The following SLC23A3 variants were observed in gnomAD, a reference collection of about 807,000 sequenced individuals.
SLC23A3 encodes solute carrier family 23 member 3, also known as E2-binding protein 3.
In SLC23A3, 41 loss-of-function variants were observed where a neutral mutation model predicts 64.7. That is an observed-to-expected ratio of 0.63 (90% CI 0.49 to 0.82). The LOEUF (loss-of-function observed/expected upper bound fraction) is 0.82, where lower values mean the gene tolerates loss of function less well. Among genes scored for constraint, SLC23A3 ranks in the 40% least tolerant of loss-of-function variants. The probability of loss-of-function intolerance (pLI) is 0.00; values close to 1 mark genes in which losing one functional copy is unlikely to be tolerated. For synonymous variants in SLC23A3, 281 were observed against 306.8 expected (o/e 0.92, Z 0.88); for missense variants, 647 against 733.4 (o/e 0.88, Z 1.36).
At chr2:219,168,369 T>C in intron 5 of SLC23A3, 51 bp from the exon 6 acceptor site, 1 of 1,517,194 alleles carries the variant, frequency 6.6e-7, no homozygotes, top group Non-Finnish European at 8.8e-7. Context: ...TCCTGAGGGA[T>C]GGGAAAGGAG....
intron 8 of SLC23A3, chr2:219,164,824 G>T: frequency 3.2e-6 from 1 of 314,348 alleles, no homozygotes; most frequent in Non-Finnish European, 5.8e-6. Context: ...CTCCCCACGT[G>T]CTAGGATTAC....
intron 10 of SLC23A3, 58 bp downstream of exon 10, chr2:219,163,330 G>A: frequency 6.4e-7 from 1 of 1,569,706 alleles, no homozygotes; most frequent in Non-Finnish European, 8.7e-7. Context: ...AGTCCGGGCA[G>A]CCTGAAGCCT....
rs1231020612 is a variant in SLC23A3 at position 219,168,276 on chromosome 2, G to A, written c.717C>T (p.Ser239=). ...TCCAGGGGCACACATGAAACTGGCA[G>A]GAGCCCAGGTGCTGAGAACAGACCA... The part of the protein sequence containing the change: ...LMVVCSQHLG[S]CQFHVCPWRR... Residue 239 remains serine (S), a synonymous_variant, in exon 6 of 12, where the codon TCC becomes TCT. Transcript: ENST00000409878. The A allele has an allele frequency of 1.2e-6, 2 of 1,613,358 alleles. No homozygotes were observed. Among genetic ancestry groups the A allele is most frequent in the African/African-American group, 1.3e-5 (1 of 74,876 alleles).
Position 219,161,802 on chromosome 2 carries a change from TACACAC to T in SLC23A3, c.*101_*106del. ...GGAACCTCTAGACAGTCCCATGTAA[TACACAC>T]ACACATATCCTCTGCCTACAAGAAA... On this transcript the variant is annotated 3_prime_UTR_variant, in exon 12 of 12. Coordinates refer to ENST00000409878, the MANE Select transcript of SLC23A3 (RefSeq NM_001144889.2). 7.9e-7 allele frequency: 1 copy of T among 1,271,258 alleles called. No individual in the cohort carries two copies. Among genetic ancestry groups the T allele is most frequent in the East Asian group, 2.3e-5 (1 of 42,746 alleles). The allele number at this position is 1,271,258 out of a possible 1,614,324, so 78.7% of individuals were successfully genotyped here.
In SLC23A3 at chr2:219,168,847, G is replaced by A; in HGVS notation, c.493-14C>T. The A allele has an allele frequency of 6.4e-7, 1 of 1,569,994 alleles. No homozygotes were observed. The highest frequency in any genetic ancestry group is 8.6e-7 in the Non-Finnish European group (1 of 1,158,316). ...TGCCCCGGACACCTGGTAGAAGAGA[G>A]GAGAGGATGGAGAGAAAACATTCTG... On this transcript the variant is annotated splice_polypyrimidine_tract_variant and intron_variant, in intron 4 of 11. Coordinates refer to ENST00000409878, the MANE Select transcript of SLC23A3 (RefSeq NM_001144889.2).
intron 7 of SLC23A3, among the ~76,000 whole-genome samples, chr2:219,166,574 G>A (rs899717688): frequency 6.6e-6 from 1 of 150,874 alleles, no homozygotes; most frequent in South Asian, 2.1e-4. Context: ...TCACTCTGTC[G>A]CCTGGGCTAG....
chr2:219,165,509 G>A, intron 7 of SLC23A3, 87 bp from the exon 8 acceptor site: 1 of 1,437,280 alleles, frequency 7.0e-7, no homozygotes. Flanking sequence ...AAGAATCCTA[G>A]ATGCCTCAAT....
chr2:219,168,108 T>C (rs1019831417), intron 6 of SLC23A3, 64 bp from the exon 7 acceptor site: 4 of 1,576,236 alleles, frequency 2.5e-6, no homozygotes, highest in East Asian at 2.2e-5. Context: ...CTTGCAGGGG[T>C]AGACAGAAGC....
chr2:219,165,441 C>A lies in SLC23A3; in HGVS notation c.914-19G>T, dbSNP rs1303404943. On this transcript the variant is annotated intron_variant, in intron 7 of 11. Coordinates refer to ENST00000409878, the MANE Select transcript of SLC23A3 (RefSeq NM_001144889.2). ...CACTCACCTGGGGAGGGAGAAGAAG[C>A]CACTTTGGGGCCAGACTCAAGTCAG... 11 of 1,538,896 alleles carry A rather than the reference C, an allele frequency of 7.1e-6. No homozygotes were observed. The highest frequency in any genetic ancestry group is 9.6e-6 in the Non-Finnish European group (11 of 1,143,172).
Position 219,168,218 on chromosome 2 carries a change from G to A in SLC23A3, c.775C>T (p.Leu259Phe), listed in dbSNP as rs866251404. The A allele has an allele frequency of 3.1e-6, 5 of 1,613,994 alleles. No homozygotes were observed. The highest frequency in any genetic ancestry group is 3.3e-5 in the Admixed American group (2 of 59,994). The change falls in exon 6 of 12, where the codon CTC (leucine) becomes TTC (phenylalanine). Residue 259 changes from leucine to phenylalanine, a missense_variant. By Grantham distance (22) the Leu-to-Phe change is conservative. Transcript: ENST00000409878. Reference protein sequence around the residue: ...RASTSSTHTPLPVFRLLSVLI... With the variant: ...RASTSSTHTPFPVFRLLSVLI... ...ACCGAAAGGAGCCGGAAGACAGGGA[G>A]AGGAGTGTGAGTTGATGACGTTGAA...
chr2:219,168,106 G>A (rs1410490824), intron 6 of SLC23A3, 62 bp from the exon 7 acceptor site: 2 of 1,576,814 alleles, frequency 1.3e-6, no homozygotes, highest in African/African-American at 1.4e-5. Context: ...GCCTTGCAGG[G>A]GTAGACAGAA....
intron 9 of SLC23A3, among the ~76,000 whole-genome samples, chr2:219,163,805 AT>A (rs1312464443): frequency 6.6e-6 from 1 of 151,508 alleles, no homozygotes; most frequent in Non-Finnish European, 1.5e-5. Context: ...GATTCAAGCG[AT>A]TTCTCCTGCC....
At chr2:219,167,534 T>C (rs1206123031) in intron 7 of SLC23A3, among the ~76,000 whole-genome samples, 2 of 148,612 alleles carry the variant, frequency 1.3e-5, no homozygotes, top group Non-Finnish European at 3.0e-5. Flanking sequence ...AGCAGATCAC[T>C]TGAGCCCAGG....
intron 10 of SLC23A3, among the ~76,000 whole-genome samples, 192 bp downstream of exon 10, chr2:219,163,196 A>G (rs1279806298): frequency 2.0e-5 from 3 of 152,210 alleles, no homozygotes; most frequent in South Asian, 4.1e-4. Context: ...CATCTCTTGT[A>G]CTACGCTGTA....
Position 219,165,334 on chromosome 2 carries a change from G to A in SLC23A3, c.1002C>T (p.Cys334=), listed in dbSNP as rs1051386467. The A allele has an allele frequency of 3.4e-5, 52 of 1,551,444 alleles. No individual in the cohort carries two copies. Among genetic ancestry groups the A allele is most frequent in the African/African-American group, 4.1e-5 (3 of 73,066 alleles). The change falls in exon 8 of 12, where the codon TGC becomes TGT. Residue 334 remains cysteine, a synonymous_variant. Coordinates refer to ENST00000409878, the MANE Select transcript of SLC23A3 (RefSeq NM_001144889.2). ...GCAGCAGCCGGCCACACAGGGCATA[G>A]CAGCCCAGGGAACTGGTGGAGGCTG... is the stretch of plus-strand genomic sequence containing the variant. The part of the protein sequence containing the change: ...ALAASTSSLG[C]YALCGRLLHL...
chr2:219,165,407 G>A lies in SLC23A3; in HGVS notation c.929C>T (p.Pro310Leu), dbSNP rs1949995850. ...WLPHPGEWNW[P>L]LLTPRALAAG... ...AGCCAGAGCTCTGGGCGTCAGCAAA[G>A]GCCAATTCCACTCACCTGGGGAGGG... Residue 310 changes from proline (P) to leucine (L), a missense_variant, in exon 8 of 12, where the codon CCT becomes CTT. Transcript: ENST00000409878. 1.3e-6 allele frequency: 2 copies of A among 1,550,382 alleles called. No homozygotes were observed. The highest frequency in any genetic ancestry group is 1.7e-6 in the Non-Finnish European group (2 of 1,146,578).
Position 219,162,055 on chromosome 2 carries a change from G to C in SLC23A3, c.1687C>G (p.Pro563Ala). The C allele has an allele frequency of 6.2e-7, 1 of 1,614,212 alleles. No individual in the cohort carries two copies. Among genetic ancestry groups the C allele is most frequent in the Non-Finnish European group, 8.5e-7 (1 of 1,180,040 alleles). ...GGCAGTGGGCAGAGGCAGTGGAGAG[G>C]CTGGGGGATGCAGGGACAGAGGTTT... ...IQNLCPCIPQ[P>A]LHCLCPLPED... Residue 563 changes from proline (P) to alanine (A), a missense_variant, in exon 12 of 12, where the codon CCT (proline) becomes GCT (alanine). Coordinates refer to ENST00000409878, the MANE Select transcript of SLC23A3 (RefSeq NM_001144889.2).
Position 219,169,973 on chromosome 2 carries a change from T to G in SLC23A3, c.12A>C (p.Ser4=). The change falls in exon 1 of 12, where the codon TCA becomes TCC. Residue 4 remains serine (S), a synonymous_variant. Transcript: ENST00000409878. This position sits in a 1 kb window ranked among gnomAD's most constrained non-coding sequence, Gnocchi z 4.5. ...ATCGGAGTTGGCTGGGATTGAGGGG[T>G]GATCGGCTCATGCTGCCTTGCCTTT... is the stretch of plus-strand genomic sequence containing the variant. MSR[S]PLNPSQLRSV... is the part of the protein sequence containing the mutation. 1 of 1,613,760 alleles carries G rather than the reference T, an allele frequency of 6.2e-7. No homozygotes were observed. Among genetic ancestry groups the G allele is most frequent in the African/African-American group, 1.3e-5 (1 of 74,962 alleles).
At position 219,167,953 on chromosome 2, in the gene SLC23A3, G is replaced by A; in HGVS notation, c.890C>T (p.Pro297Leu). 1 of 1,582,170 alleles carries A rather than the reference G, an allele frequency of 6.3e-7. No homozygotes were observed. The highest frequency in any genetic ancestry group is 8.5e-7 in the Non-Finnish European group (1 of 1,171,592). The change falls in exon 7 of 12, where the codon CCA becomes CTA. Residue 297 changes from proline to leucine, a missense_variant. Coordinates refer to ENST00000409878, the MANE Select transcript of SLC23A3 (RefSeq NM_001144889.2). The part of the protein sequence containing the change: ...PQELSAPTKA[P>L]WIWLPHPGEW... ...ACCTGGGTGAGGCAGCCAAATCCAT[G>A]GTGCCTTGGTGGGGGCAGACAGTTC... is the stretch of plus-strand genomic sequence containing the variant.
Sources: gnomAD v4.1 joint callset for allele counts (sites outside exome capture counted in the v4.1 genomes callset) on GRCh38, gnomAD v4.1.1 for gene constraint, Gnocchi (gnomAD v3.1) non-coding constraint, MANE v1.5 for transcripts, NCBI Gene and HGNC (gene_info 2026-07-23, HGNC 2026-07-21) for gene names.